Variants in LONRF3 observed in about 807,000 individuals in gnomAD.
The protein encoded by LONRF3 is LON peptidase N-terminal domain and RING finger protein 3.
Under a neutral mutation model 51.7 loss-of-function variants are expected in LONRF3, and 19 were observed. That is an observed-to-expected ratio of 0.37 (90% confidence interval 0.26 to 0.54). The LOEUF (loss-of-function observed/expected upper bound fraction) is 0.54. LONRF3 is among the 20% of genes least tolerant of loss of function. LONRF3 has a pLI of 0.86. For missense variants in LONRF3, 521 were observed against 623.9 expected (o/e 0.84, Z 1.76); for synonymous variants, 265 against 257.8 (o/e 1.03, Z -0.27).
chrX:119,009,052 T>TA, intron 6 of LONRF3, 74 bp from the exon 7 acceptor site: 1 of 941,444 alleles, frequency 1.1e-6, no homozygotes, highest in Non-Finnish European at 1.5e-6. Flanking sequence ...TGTTCACTGA[T>TA]TACATCAGAA....
chrX:118,985,225 C>T (rs1254182895), intron 3 of LONRF3, among the ~76,000 whole-genome samples: 4 of 112,128 alleles, frequency 3.6e-5, no homozygotes, highest in African/African-American at 1.3e-4. Flanking sequence ...TTCATCCTTG[C>T]ACCTTGTGAT....
Position 118,989,592 on chromosome X carries a change from A to T in LONRF3, c.1244A>T (p.Lys415Ile). The change falls in exon 4 of 11, where the codon AAA (lysine) becomes ATA (isoleucine). Residue 415 changes from lysine (K) to isoleucine (I), a missense_variant. By Grantham distance (102) the Lys-to-Ile change is moderately radical (BLOSUM62 -3). Transcript: ENST00000371628. ...SPKAASSKTG[K>I]CQEKKRKHCQ... ...AAAGCTGCTTCCAGCAAGACTGGAA[A>T]ATGCCAGGAAAAGAAAAGGAAACAT... The T allele has an allele frequency of 8.3e-7, 1 of 1,211,102 alleles. No individual in the cohort carries two copies. Among genetic ancestry groups the T allele is most frequent in the Non-Finnish European group, 1.1e-6 (1 of 895,109 alleles).
At chrX:119,014,896 G>C (rs1213535017) in intron 10 of LONRF3, among the ~76,000 whole-genome samples, 1 of 111,895 alleles carries the variant, frequency 8.9e-6, no homozygotes, top group Non-Finnish European at 1.9e-5. Flanking sequence ...TGCAAGTCTA[G>C]ACCCTTGCTA....
intron 2 of LONRF3, among the ~76,000 whole-genome samples, chrX:118,982,340 C>G (rs1439440900): frequency 1.8e-5 from 2 of 111,589 alleles, no homozygotes; most frequent in African/African-American, 6.5e-5. Context: ...TCCTGGGCCT[C>G]TTCTGAAAAC....
At chrX:118,987,455 T>TTTTG (rs1923084880) in intron 3 of LONRF3, among the ~76,000 whole-genome samples, 2 of 86,690 alleles carry the variant, frequency 2.3e-5, no homozygotes, top group African/African-American at 4.3e-5. Flanking sequence ...GTTTTTTTTT[T>TTTTG]TTTTTTTTTT....
At chrX:119,009,074 A>T in intron 6 of LONRF3, 52 bp from the exon 7 acceptor site, 1 of 1,078,765 alleles carries the variant, frequency 9.3e-7, no homozygotes. Flanking sequence ...TGTTTTGCTG[A>T]TTGCTACGTA....
At position 118,989,482 on chromosome X, in the gene LONRF3, C is replaced by A. The variant is rs753717290; in HGVS notation, c.1134C>A (p.Asp378Glu). ...AARGDGSSLM[D>E]PAKVKGDGQQ... is the part of the protein sequence containing the mutation. ...GGGGAGATGGCAGCAGTCTGATGGA[C>A]CCAGCTAAAGTGAAGGGGGATGGTC... The change falls in exon 4 of 11, where the codon GAC becomes GAA. Residue 378 changes from aspartate (D) to glutamate (E), a missense_variant. Physicochemically the swap from Asp to Glu is conservative, Grantham distance 45. This residue lies in a region of LONRF3 where 376 missense variants were observed against 376.7 expected (regional missense o/e 1.00). Coordinates refer to ENST00000371628, the MANE Select transcript of LONRF3 (RefSeq NM_001031855.3). 4.1e-6 allele frequency: 5 copies of A among 1,209,003 alleles called. No homozygotes were observed. In the South Asian group the frequency reaches 7.1e-5, roughly 17 times the overall value.
intron 5 of LONRF3, among the ~76,000 whole-genome samples, chrX:119,000,814 T>A (rs754436470): frequency 1.1e-3 from 70 of 64,832 alleles, no homozygotes; most frequent in Middle Eastern, 7.9e-3. Context: ...TCTCTCTCTC[T>A]CTCTCTCTCT....
intron 3 of LONRF3, among the ~76,000 whole-genome samples, chrX:118,987,446 T>TTTTTTTG (rs1923075614): frequency 1.9e-4 from 2 of 10,685 alleles, no homozygotes; most frequent in African/African-American, 9.3e-4. Context: ...CCTGGCTAAG[T>TTTTTTTG]TTTTTTTTTT....
chrX:118,975,578 C>T lies in LONRF3; in HGVS notation c.798C>T (p.Tyr266=), dbSNP rs1921961036. ...AGGTGGAGGCGGCACTGCTCAAGTA[C>T]AACGAGGCAGTTAAGTTGGGTGAGT... The part of the protein sequence containing the change: ...ERQVEAALLK[Y]NEAVKLAPND... The change falls in exon 1 of 11, where the codon TAC becomes TAT. Residue 266 remains tyrosine, a synonymous_variant. Transcript: ENST00000371628. 1.7e-6 allele frequency: 2 copies of T among 1,178,896 alleles called. No individual in the cohort carries two copies. Among genetic ancestry groups the T allele is most frequent in the East Asian group, 6.2e-5 (2 of 32,302 alleles).
intron 5 of LONRF3, among the ~76,000 whole-genome samples, chrX:119,004,587 C>T (rs1924576521): frequency 8.9e-6 from 1 of 112,290 alleles, no homozygotes; most frequent in Admixed American, 9.4e-5. Flanking sequence ...TACACTGGGC[C>T]TACTGATCTG....
At chrX:119,008,166 C>G (rs1924860101) in intron 6 of LONRF3, among the ~76,000 whole-genome samples, 1 of 111,914 alleles carries the variant, frequency 8.9e-6, no homozygotes, top group South Asian at 3.7e-4. Context: ...TCTCATCTAT[C>G]TCTGTTTATT....
At chrX:118,987,349 C>T (rs185528592) in intron 3 of LONRF3, among the ~76,000 whole-genome samples, 21 of 109,328 alleles carry the variant, frequency 1.9e-4, no homozygotes, top group African/African-American at 7.0e-4. Context: ...ATGATCATGG[C>T]TCACTGCAGC....
At chrX:119,008,601 T>G (rs909183529) in intron 6 of LONRF3, among the ~76,000 whole-genome samples, 4 of 111,812 alleles carry the variant, frequency 3.6e-5, no homozygotes, top group Non-Finnish European at 5.6e-5. Context: ...AGAGAAAAAA[T>G]AGGTATATTT....
At chrX:119,013,001 C>T (rs886339206) in intron 8 of LONRF3, 38 bp from the exon 9 acceptor site, 2 of 1,205,879 alleles carry the variant, frequency 1.7e-6, no homozygotes, top group African/African-American at 3.5e-5. Flanking sequence ...CAGAACTCAT[C>T]AAGGATCTAG....
chrX:118,994,452 G>A (rs1923698568), intron 5 of LONRF3, among the ~76,000 whole-genome samples: 1 of 109,515 alleles, frequency 9.1e-6, no homozygotes, highest in Non-Finnish European at 1.9e-5. Flanking sequence ...CACCCAGGCT[G>A]GAGCGCAATG....
intron 3 of LONRF3, among the ~76,000 whole-genome samples, chrX:118,985,100 C>T (rs1922850151): frequency 8.9e-6 from 1 of 112,074 alleles, no homozygotes; most frequent in South Asian, 3.7e-4. Context: ...ATTGAGAAGG[C>T]CTAGAGAGAG....
intron 5 of LONRF3, among the ~76,000 whole-genome samples, chrX:119,000,025 G>C (rs778178765): frequency 6.2e-5 from 7 of 112,230 alleles, no homozygotes; most frequent in Non-Finnish European, 1.1e-4. Context: ...GTTGACAGAG[G>C]CTATTTCAAA....
In LONRF3 at chrX:118,975,216, G is replaced by C. The variant is rs759481042; in HGVS notation, c.436G>C (p.Ala146Pro). ...VAAEETGAAA[A>P]AAATEVWDGF... ...GGCGGAAGAGACGGGGGCCGCCGCGGCTGCGGCGGCCACCGAGGTGTGGGA... is the reference window on the plus strand; with the variant it reads ...GGCGGAAGAGACGGGGGCCGCCGCGCCTGCGGCGGCCACCGAGGTGTGGGA... The change falls in exon 1 of 11, where the codon GCT becomes CCT. Residue 146 changes from alanine (A) to proline (P), a missense_variant. Physicochemically the swap from Ala to Pro is conservative, Grantham distance 27. Coordinates refer to ENST00000371628, the MANE Select transcript of LONRF3 (RefSeq NM_001031855.3). The C allele has an allele frequency of 3.4e-6, 4 of 1,174,733 alleles. No homozygotes were observed. In the East Asian group the frequency reaches 1.3e-4, roughly 37 times the overall value.
Sources: allele counts gnomAD v4.1 joint callset (sites outside exome capture counted in the v4.1 genomes callset), GRCh38; gene constraint gnomAD v4.1.1; regional missense constraint gnomAD v4.1.1; transcripts MANE v1.5; gene names NCBI Gene and HGNC (gene_info 2026-07-23, HGNC 2026-07-21).